The following REPIN1 variants were observed in gnomAD, a reference collection of about 807,000 sequenced individuals.
REPIN1 encodes the protein replication initiator 1, also known as DNA-binding protein REPIN1.
Under a neutral mutation model 5.7 loss-of-function variants are expected in REPIN1, and 4 were observed. That is an observed-to-expected ratio of 0.71 (90% CI 0.35 to 1.62). The LOEUF is 1.62. Ranked by LOEUF, REPIN1 falls within the 40% of genes most tolerant of loss-of-function variation. The pLI is 0.05. For missense variants in REPIN1, 854 were observed against 901.0 expected (o/e 0.95, Z 0.67); for synonymous variants, 410 against 386.2 (o/e 1.06, Z -0.72).
chr7:150,372,718 G>T lies in REPIN1; in HGVS notation c.1648G>T (p.Gly550Cys). The T allele has an allele frequency of 6.2e-7, 1 of 1,612,628 alleles. No individual in the cohort carries two copies. The highest frequency in any genetic ancestry group is 1.1e-5 in the South Asian group (1 of 91,052). ...GEKPYVCPDC[G>C]KAFSQKSNLV... ...GAAGCCCTACGTCTGCCCCGACTGC[G>T]GCAAAGCCTTCAGCCAGAAGTCCAA... Residue 550 changes from glycine (G) to cysteine (C), a missense_variant, in exon 3 of 3, where the codon GGC (glycine) becomes TGC (cysteine). Coordinates refer to ENST00000489432, the MANE Select transcript of REPIN1 (RefSeq NM_001099695.2).
chr7:150,372,453 C>T lies in REPIN1; in HGVS notation c.1383C>T (p.Thr461=), dbSNP rs1315095568. The T allele has an allele frequency of 6.5e-7, 1 of 1,528,778 alleles. No individual in the cohort carries two copies. The highest frequency in any genetic ancestry group is 8.7e-7 in the Non-Finnish European group (1 of 1,144,624). 94.7% of individuals were successfully genotyped at this position (1,528,778 alleles called of 1,614,324 possible). A position where few individuals can be genotyped will look rare whatever the true frequency, so the allele number is the denominator to read the frequency against. ...AGCACACCGGGGAGCGGCCCTTCAC[C>T]TGCGCCGAGTGCGGGAAGAACTTCG... The part of the protein sequence containing the change: ...QRQHTGERPF[T]CAECGKNFGK... Residue 461 remains threonine, a synonymous_variant, in exon 3 of 3, where the codon ACC becomes ACT. Coordinates refer to ENST00000489432, the MANE Select transcript of REPIN1 (RefSeq NM_001099695.2).
rs938451870 is a variant in REPIN1 at position 150,372,450 on chromosome 7, C to T, written c.1380C>T (p.Phe460=). The change falls in exon 3 of 3, where the codon TTC becomes TTT. Residue 460 remains phenylalanine, a synonymous_variant. Coordinates refer to ENST00000489432, the MANE Select transcript of REPIN1 (RefSeq NM_001099695.2). The part of the protein sequence containing the change: ...HQRQHTGERP[F]TCAECGKNFG... ...GGCAGCACACCGGGGAGCGGCCCTTCACCTGCGCCGAGTGCGGGAAGAACT... is the reference window on the plus strand; with the variant it reads ...GGCAGCACACCGGGGAGCGGCCCTTTACCTGCGCCGAGTGCGGGAAGAACT... The T allele has an allele frequency of 6.5e-7, 1 of 1,529,288 alleles. No individual in the cohort carries two copies. Among genetic ancestry groups the T allele is most frequent in the Non-Finnish European group, 8.7e-7 (1 of 1,144,866 alleles). 94.7% of individuals were successfully genotyped at this position (1,529,288 alleles called of 1,614,324 possible).
Position 150,370,561 on chromosome 7 carries a change from C to G in REPIN1, c.158-667C>G. ...GTTAGTGATGCTGAAAGTGCCTCCC[C>G]TGTGGGGCTAGGAATGAAAAGCTAT... On this transcript the variant is annotated intron_variant, in intron 2 of 2. Coordinates refer to ENST00000489432, the MANE Select transcript of REPIN1 (RefSeq NM_001099695.2). The G allele has an allele frequency of 5.1e-6, 3 of 583,784 alleles. No individual in the cohort carries two copies. In the South Asian group the frequency reaches 6.0e-5, roughly 12 times the overall value. The allele number at this position is 583,784 out of a possible 1,614,324, so 36.2% of individuals were successfully genotyped here. A position where few individuals can be genotyped will look rare whatever the true frequency, so the allele number is the denominator to read the frequency against.
rs746148807 is a variant in REPIN1, at chr7:150,371,778, C to T, written c.708C>T (p.Cys236=). Residue 236 remains cysteine, a synonymous_variant, in exon 3 of 3, where the codon TGC becomes TGT. Coordinates refer to ENST00000489432, the MANE Select transcript of REPIN1 (RefSeq NM_001099695.2). Reference sequence around the variant, plus strand: ...CCCCGGAGGCCCGGCCCTTCATATGCGGCAACTGTGGCCGGAGCTTTGCCC... The same window carrying T: ...CCCCGGAGGCCCGGCCCTTCATATGTGGCAACTGTGGCCGGAGCTTTGCCC... The part of the protein sequence containing the change: ...PPAPEARPFI[C]GNCGRSFAQW... 4 of 1,611,530 alleles carry T rather than the reference C, an allele frequency of 2.5e-6. 1 individual carries two copies. The highest frequency in any genetic ancestry group is 2.2e-5 in the South Asian group (2 of 90,940).
chr7:150,372,147 G>C lies in REPIN1; in HGVS notation c.1077G>C (p.Arg359=). The C allele has an allele frequency of 3.7e-6, 6 of 1,604,924 alleles. No individual in the cohort carries two copies. Among genetic ancestry groups the C allele is most frequent in the Non-Finnish European group, 5.1e-6 (6 of 1,176,570 alleles). The change falls in exon 3 of 3, where the codon CGG becomes CGC. Residue 359 remains arginine, a synonymous_variant. Coordinates refer to ENST00000489432, the MANE Select transcript of REPIN1 (RefSeq NM_001099695.2). ...GCAAAGAGTGCGGCCGCCGCTTCCG[G>C]CACAAACCCAACCTGCTGTCTCACA... ...YPCKECGRRF[R]HKPNLLSHSK...
Position 150,373,361 on chromosome 7 carries a change from G to A in REPIN1, c.*416G>A, listed in dbSNP as rs1237234305. On this transcript the variant is annotated 3_prime_UTR_variant, in exon 3 of 3. Transcript: ENST00000489432. ...ATCATTTTTGGAAGCAGGCGTGGTAGAGTCCTGTAAATGAATGCTCTGGGC... is the reference window on the plus strand; with the variant it reads ...ATCATTTTTGGAAGCAGGCGTGGTAAAGTCCTGTAAATGAATGCTCTGGGC... 1 of 220,904 alleles carries A rather than the reference G, an allele frequency of 4.5e-6. No individual in the cohort carries two copies. Among genetic ancestry groups the A allele is most frequent in the African/African-American group, 2.3e-5 (1 of 43,260 alleles). The allele number at this position is 220,904 out of a possible 1,614,324, so 13.7% of individuals were successfully genotyped here. A position where few individuals can be genotyped will look rare whatever the true frequency, so the allele number is the denominator to read the frequency against.
upstream of REPIN1, chr7:150,368,796 G>A (rs1472039514): frequency 1.7e-5 from 5 of 292,130 alleles, no homozygotes; most frequent in African/African-American, 8.9e-5. Flanking sequence ...GGAACCCGGC[G>A]GGGGGAGGTT....
rs1326795568 is a variant in REPIN1 at position 150,372,168 on chromosome 7, T to C, written c.1098T>C (p.Ser366=). The C allele has an allele frequency of 1.2e-6, 2 of 1,605,486 alleles. No individual in the cohort carries two copies. The highest frequency in any genetic ancestry group is 1.1e-5 in the South Asian group (1 of 90,748). ...RRFRHKPNLL[S]HSKIHKRSEG... is the part of the protein sequence containing the mutation. ...TCCGGCACAAACCCAACCTGCTGTC[T>C]CACAGCAAGATTCACAAGCGATCCG... The change falls in exon 3 of 3, where the codon TCT becomes TCC. Residue 366 remains serine, a synonymous_variant. Transcript: ENST00000489432.
chr7:150,368,938 A>C lies in REPIN1; in HGVS notation c.-45A>C. 5.7e-6 allele frequency: 2 copies of C among 351,620 alleles called. No individual in the cohort carries two copies. The highest frequency in any genetic ancestry group is 1.0e-5 in the Non-Finnish European group (2 of 198,056). 21.8% of individuals were successfully genotyped at this position (351,620 alleles called of 1,614,324 possible). A position where few individuals can be genotyped will look rare whatever the true frequency, so the allele number is the denominator to read the frequency against. Reference sequence around the variant, plus strand: ...GCCGCGTCCCTGCACAGCCCGCCGCAGAGGTACGGCCGGGGCAGGGGCGCG... The same window carrying C: ...GCCGCGTCCCTGCACAGCCCGCCGCCGAGGTACGGCCGGGGCAGGGGCGCG... On this transcript the variant is annotated 5_prime_UTR_variant, in exon 1 of 3. Transcript: ENST00000489432.
Position 150,372,155 on chromosome 7 carries a change from C to T in REPIN1, c.1085C>T (p.Pro362Leu). The T allele has an allele frequency of 6.2e-7, 1 of 1,609,526 alleles. No individual in the cohort carries two copies. Among genetic ancestry groups the T allele is most frequent in the Non-Finnish European group, 8.5e-7 (1 of 1,178,776 alleles). Residue 362 changes from proline to leucine, a missense_variant, in exon 3 of 3, where the codon CCC becomes CTC. Pro to Leu is a moderately conservative substitution (Grantham distance 98). Around this residue, in one of 5 missense-constraint regions of REPIN1, gnomAD observed 327 missense variants for 307.8 expected, o/e 1.06. Transcript: ENST00000489432. ...TGCGGCCGCCGCTTCCGGCACAAACCCAACCTGCTGTCTCACAGCAAGATT... is the reference window on the plus strand; with the variant it reads ...TGCGGCCGCCGCTTCCGGCACAAACTCAACCTGCTGTCTCACAGCAAGATT... Reference protein sequence around the residue: ...KECGRRFRHKPNLLSHSKIHK... With the variant: ...KECGRRFRHKLNLLSHSKIHK...
chr7:150,371,677 G>T lies in REPIN1; in HGVS notation c.607G>T (p.Ala203Ser). 6.2e-7 allele frequency: 1 copy of T among 1,605,524 alleles called. No homozygotes were observed. Among genetic ancestry groups the T allele is most frequent in the Non-Finnish European group, 8.5e-7 (1 of 1,179,640 alleles). The part of the protein sequence containing the change: ...RAHSAAKRPI[A>S]CPKCERRFWR... ...CCATTCAGCTGCAAAGCGGCCCATC[G>T]CTTGTCCCAAATGCGAGAGACGCTT... Residue 203 changes from alanine (A) to serine (S), a missense_variant, in exon 3 of 3, where the codon GCT (alanine) becomes TCT (serine). By Grantham distance (99) the Ala-to-Ser change is moderately conservative (BLOSUM62 1). Coordinates refer to ENST00000489432, the MANE Select transcript of REPIN1 (RefSeq NM_001099695.2).
intron 2 of REPIN1, chr7:150,370,842 G>A (rs1206181409): frequency 1.4e-6 from 1 of 701,862 alleles, no homozygotes; most frequent in African/African-American, 1.7e-5. Context: ...CACAGGGAGA[G>A]GGCAGCATAA....
rs1376932804 is a variant in REPIN1, at chr7:150,369,711, C to T, written c.-1C>T. The T allele has an allele frequency of 5.6e-6, 9 of 1,613,822 alleles. No individual in the cohort carries two copies. Among genetic ancestry groups the T allele is most frequent in the Non-Finnish European group, 7.6e-6 (9 of 1,179,866 alleles). On this transcript the variant is annotated 5_prime_UTR_variant, in exon 2 of 3. Transcript: ENST00000489432. The stretch of plus-strand genomic sequence containing the variant: ...CTGCAGTCAGAGGTCTGAGCTCTGC[C>T]ATGGGGATAGGGGTGTCTTTATTAC...
Position 150,373,161 on chromosome 7 carries a change from C to CTGG in REPIN1, c.*217_*218insGGT. 1.5e-6 allele frequency: 1 copy of CTGG among 670,466 alleles called. No individual in the cohort carries two copies. Among genetic ancestry groups the CTGG allele is most frequent in the South Asian group, 2.0e-5 (1 of 51,246 alleles). The allele number at this position is 670,466 out of a possible 1,614,324, so 41.5% of individuals were successfully genotyped here. A position where few individuals can be genotyped will look rare whatever the true frequency, so the allele number is the denominator to read the frequency against. ...CACTTCCAAGCGCAGGGACGCCGGCCTCCAGCTGGTGTGTGCTAAGGCTCC... is the reference window on the plus strand; with the variant it reads ...CACTTCCAAGCGCAGGGACGCCGGCCTGGTCCAGCTGGTGTGTGCTAAGGCTCC... On this transcript the variant is annotated 3_prime_UTR_variant, in exon 3 of 3. Coordinates refer to ENST00000489432, the MANE Select transcript of REPIN1 (RefSeq NM_001099695.2).
chr7:150,370,070 T>C, intron 2 of REPIN1: 1 of 617,212 alleles, frequency 1.6e-6, no homozygotes, highest in South Asian at 2.7e-5. Context: ...TGTCTGGAGC[T>C]TGTGAGCAGG....
Position 150,371,699 on chromosome 7 carries a change from G to T in REPIN1, c.629G>T (p.Arg210Leu). 1.2e-6 allele frequency: 2 copies of T among 1,606,632 alleles called. No homozygotes were observed. The highest frequency in any genetic ancestry group is 1.7e-6 in the Non-Finnish European group (2 of 1,179,832). The change falls in exon 3 of 3, where the codon CGC becomes CTC. Residue 210 changes from arginine (R) to leucine (L), a missense_variant. Coordinates refer to ENST00000489432, the MANE Select transcript of REPIN1 (RefSeq NM_001099695.2). The part of the protein sequence containing the change: ...RPIACPKCER[R>L]FWRRKQLRAH... Reference sequence around the variant, plus strand: ...ATCGCTTGTCCCAAATGCGAGAGACGCTTCTGGCGACGAAAGCAGCTTCGA... The same window carrying T: ...ATCGCTTGTCCCAAATGCGAGAGACTCTTCTGGCGACGAAAGCAGCTTCGA...
chr7:150,373,086 CTGGG>C lies in REPIN1; in HGVS notation c.*146_*149del. 1 of 1,242,510 alleles carries C rather than the reference CTGGG, an allele frequency of 8.0e-7. No homozygotes were observed. Among genetic ancestry groups the C allele is most frequent in the Non-Finnish European group, 1.1e-6 (1 of 906,718 alleles). The allele number at this position is 1,242,510 out of a possible 1,614,324, so 77.0% of individuals were successfully genotyped here. A position where few individuals can be genotyped will look rare whatever the true frequency, so the allele number is the denominator to read the frequency against. ...GGGGATGGAAGACGCGGGGAGTGAG[CTGGG>C]TGGGCCCTGCTAGCGAGAGAGGTCA... On this transcript the variant is annotated 3_prime_UTR_variant, in exon 3 of 3. Coordinates refer to ENST00000489432, the MANE Select transcript of REPIN1 (RefSeq NM_001099695.2).
chr7:150,370,794 TTGCTG>T (rs1296208560), intron 2 of REPIN1: 41 of 702,256 alleles, frequency 5.8e-5, no homozygotes, highest in Non-Finnish European at 9.4e-5. Context: ...CTTCTCAGAG[TTGCTG>T]TGCAGCTCGG....
chr7:150,371,601 C>T lies in REPIN1; in HGVS notation c.531C>T (p.Leu177=). Residue 177 remains leucine, a synonymous_variant, in exon 3 of 3, where the codon CTC becomes CTT. Coordinates refer to ENST00000489432, the MANE Select transcript of REPIN1 (RefSeq NM_001099695.2). ...CAGACCTGGGCTTTGCCTGCCACCT[C>T]TGTGGGCAGAGCTTCCGAGGCTGGG... The part of the protein sequence containing the change: ...ATPDLGFACH[L]CGQSFRGWVA... The T allele has an allele frequency of 1.2e-6, 2 of 1,605,166 alleles. No individual in the cohort carries two copies. Among genetic ancestry groups the T allele is most frequent in the Non-Finnish European group, 1.7e-6 (2 of 1,179,144 alleles).
Sources: gnomAD v4.1 joint callset for allele counts on GRCh38, gnomAD v4.1.1 for gene constraint, gnomAD v4.1.1 regional missense constraint, MANE v1.5 for transcripts, NCBI Gene and HGNC (gene_info 2026-07-23, HGNC 2026-07-21) for gene names.